SPIN1: variants seen among roughly 807,000 people sequenced by gnomAD.
SPIN1 encodes spindlin 1.
A neutral mutation model predicts 26.0 loss-of-function variants in SPIN1; 3 were observed. The ratio of observed to expected loss-of-function variants is 0.12; its 90% CI spans 0.05 to 0.30. The LOEUF (loss-of-function observed/expected upper bound fraction) is 0.30, where lower values mean the gene tolerates loss of function less well. Among genes scored for constraint, SPIN1 ranks in the 10% least tolerant of loss-of-function variants. The pLI, the probability that SPIN1 is intolerant of heterozygous loss-of-function variation, is 1.00. For missense variants in SPIN1, 126 were observed against 333.4 expected (o/e 0.38, Z 4.84); for synonymous variants, 101 against 116.5 (o/e 0.87, Z 0.86).
chr9:88,408,971 T>G (rs1223509631), intron 1 of SPIN1, among the ~76,000 whole-genome samples: 1 of 122,484 alleles, frequency 8.2e-6, no homozygotes, highest in African/African-American at 4.8e-5. Context: ...CCTTTTGTGT[T>G]TGTGTGTGTT....
chr9:88,475,047 CT>C (rs11320023), intron 5 of SPIN1, 30 bp from the exon 6 acceptor site: 196,706 of 822,238 alleles, frequency 0.24, 5,115 homozygotes, highest in African/African-American at 0.5. Flanking sequence ...CTCTCTCTCT[CT>C]TTTTTTTTTT....
intron 1 of SPIN1, among the ~76,000 whole-genome samples, chr9:88,399,391 A>G: frequency 6.6e-6 from 1 of 152,194 alleles, no homozygotes; most frequent in East Asian, 1.9e-4. Context: ...TGAAGTCCAC[A>G]GGGCAGTCAT....
chr9:88,452,345 G>A (rs542965732), intron 3 of SPIN1, among the ~76,000 whole-genome samples: 38 of 152,194 alleles, frequency 2.5e-4, no homozygotes, highest in Admixed American at 3.9e-4. Context: ...CAGAGCCCAT[G>A]TTATTAAGTA....
chr9:88,450,521 G>A (rs991347517), intron 3 of SPIN1, among the ~76,000 whole-genome samples: 1 of 152,152 alleles, frequency 6.6e-6, no homozygotes, highest in Non-Finnish European at 1.5e-5. Flanking sequence ...GATTCCATCT[G>A]CCTCATCCTA....
intron 2 of SPIN1, among the ~76,000 whole-genome samples, chr9:88,433,370 A>G (rs1564031255): frequency 6.6e-6 from 1 of 152,190 alleles, no homozygotes; most frequent in East Asian, 1.9e-4. Flanking sequence ...GTCATGCACC[A>G]GTGTACCTGC....
intron 2 of SPIN1, among the ~76,000 whole-genome samples, chr9:88,440,425 C>T (rs1227316293): frequency 1.3e-5 from 2 of 152,246 alleles, no homozygotes; most frequent in African/African-American, 2.4e-5. Context: ...TCCCAAAGTG[C>T]TGGGATTACG....
Position 88,455,112 on chromosome 9 carries a change from T to A in SPIN1, c.101+6123T>A, listed in dbSNP as rs531780370. On this transcript the variant is annotated intron_variant, in intron 3 of 5. Transcript: ENST00000375859. Reference sequence around the variant, plus strand: ...CCATCCTTAAAATATGCAAATCTATTTTTATATATAATTTCTTGCCGAATT... The same window carrying A: ...CCATCCTTAAAATATGCAAATCTATATTTATATATAATTTCTTGCCGAATT... Among the ~76,000 whole-genome samples the A allele has an allele frequency of 5.0e-4, 76 of 152,304 alleles. 1 individual carries two copies. Among genetic ancestry groups the A allele is most frequent in the African/African-American group, 1.8e-3 (75 of 41,568 alleles).
chr9:88,441,613 G>A (rs1296257480), intron 2 of SPIN1, among the ~76,000 whole-genome samples: 2 of 151,492 alleles, frequency 1.3e-5, no homozygotes, highest in African/African-American at 4.9e-5. Context: ...AAAATGGCTA[G>A]GCATGATGGT....
At chr9:88,411,393 C>T in intron 1 of SPIN1, 4 of 1,595,916 alleles carry the variant, frequency 2.5e-6, no homozygotes, top group Non-Finnish European at 3.4e-6. Context: ...TCGGTTGTTT[C>T]AAAGCTCAAC....
chr9:88,388,716 C>T (rs1826844351), intron 1 of SPIN1, among the ~76,000 whole-genome samples, 178 bp downstream of exon 1: 1 of 148,714 alleles, frequency 6.7e-6, no homozygotes, highest in Non-Finnish European at 1.5e-5. Flanking sequence ...CGGCGGGGAC[C>T]CGGGCTGGGC....
rs1827330155 is a variant in SPIN1 at position 88,407,246 on chromosome 9, C to T, written c.-159+18708C>T. On this transcript the variant is annotated intron_variant, in intron 1 of 5. Coordinates refer to ENST00000375859, the MANE Select transcript of SPIN1 (RefSeq NM_006717.3). ...CCTGCCTCCCAGTTCAAGCCATTCTCCTGCCTCAGCCTCCCGAATAGCTGG... is the reference window on the plus strand; with the variant it reads ...CCTGCCTCCCAGTTCAAGCCATTCTTCTGCCTCAGCCTCCCGAATAGCTGG... Among the ~76,000 whole-genome samples, 3 of 151,970 alleles carry T rather than the reference C, an allele frequency of 2.0e-5. No individual in the cohort carries two copies. In the South Asian group the frequency reaches 6.2e-4, roughly 32 times the overall value.
chr9:88,453,182 C>CTA (rs1828398732), intron 3 of SPIN1, among the ~76,000 whole-genome samples: 4 of 151,700 alleles, frequency 2.6e-5, no homozygotes, highest in Admixed American at 2.6e-4. Context: ...TTTTGCACTC[C>CTA]TAAAAAGGTT....
chr9:88,436,388 G>T (rs1827999179), intron 2 of SPIN1, among the ~76,000 whole-genome samples: 1 of 152,116 alleles, frequency 6.6e-6, no homozygotes, highest in Non-Finnish European at 1.5e-5. Flanking sequence ...GAAAATAACA[G>T]AGTTCCCATA....
At position 88,426,657 on chromosome 9, in the gene SPIN1, A is replaced by G. The variant is rs1827769369; in HGVS notation, c.52+66A>G. On this transcript the variant is annotated intron_variant, in intron 2 of 5. Coordinates refer to ENST00000375859, the MANE Select transcript of SPIN1 (RefSeq NM_006717.3). The stretch of plus-strand genomic sequence containing the variant: ...AATATAATTCATTTCAAACAAGTGT[A>G]AAATTGGGTACTTTCACATAATAGC... 1.1e-5 allele frequency: 15 copies of G among 1,426,142 alleles called. No individual in the cohort carries two copies. The South Asian group carries it at 1.9e-4, about 18-fold the overall frequency. The allele number at this position is 1,426,142 out of a possible 1,614,324, so 88.3% of individuals were successfully genotyped here.
chr9:88,437,057 G>T (rs918282573), intron 2 of SPIN1, among the ~76,000 whole-genome samples: 2 of 151,854 alleles, frequency 1.3e-5, no homozygotes, highest in African/African-American at 4.8e-5. Flanking sequence ...GAGCCACCGC[G>T]CCCGGCCTCC....
At chr9:88,451,037 G>A (rs1375457452) in intron 3 of SPIN1, among the ~76,000 whole-genome samples, 1 of 151,920 alleles carries the variant, frequency 6.6e-6, no homozygotes, top group Non-Finnish European at 1.5e-5. Flanking sequence ...TCAAGGTATT[G>A]GACTAGAACA....
intron 1 of SPIN1, among the ~76,000 whole-genome samples, chr9:88,419,870 C>G (rs115039302): frequency 6.6e-6 from 1 of 152,306 alleles, no homozygotes; most frequent in Admixed American, 6.5e-5. Flanking sequence ...GAGGTGTTAT[C>G]GGACCTTTCC....
intron 1 of SPIN1, among the ~76,000 whole-genome samples, chr9:88,421,852 A>G (rs1332289528): frequency 1.3e-5 from 2 of 151,934 alleles, no homozygotes; most frequent in African/African-American, 4.8e-5. Context: ...AATTCGATCT[A>G]AAAGCTTGAC....
At chr9:88,440,999 C>T (rs755786337) in intron 2 of SPIN1, among the ~76,000 whole-genome samples, 1 of 151,580 alleles carries the variant, frequency 6.6e-6, no homozygotes, top group African/African-American at 2.4e-5. Context: ...GGTAGTGCCA[C>T]GTACTTTATG....
Sources: allele counts gnomAD v4.1 joint callset (sites outside exome capture counted in the v4.1 genomes callset), GRCh38; gene constraint gnomAD v4.1.1; transcripts MANE v1.5; gene names NCBI Gene and HGNC (gene_info 2026-07-23, HGNC 2026-07-21).